The following EFCAB5 variants were observed in gnomAD, a reference collection of about 807,000 sequenced individuals.
EFCAB5 encodes the protein EF-hand calcium binding domain 5, also known as EF-hand calcium-binding domain-containing protein 5.
In EFCAB5, 131 loss-of-function variants were observed where a neutral mutation model predicts 167.9. That is an observed-to-expected ratio of 0.78 (90% CI 0.68 to 0.90). The LOEUF is 0.90. Among genes scored for constraint, EFCAB5 ranks in the 40% least tolerant of loss-of-function variants. The pLI is 0.00. For missense variants in EFCAB5, 1,663 were observed against 1,745.2 expected (o/e 0.95, Z 0.84); for synonymous variants, 574 against 602.8 (o/e 0.95, Z 0.70).
intron 8 of EFCAB5, among the ~76,000 whole-genome samples, chr17:30,043,068 C>A (rs1429365787): frequency 1.3e-5 from 2 of 151,958 alleles, no homozygotes; most frequent in Non-Finnish European, 2.9e-5. Flanking sequence ...GTGCTTGAGC[C>A]CAGGAGTTCG....
chr17:30,101,584 G>C (rs1021639223), intron 22 of EFCAB5, among the ~76,000 whole-genome samples: 33 of 152,192 alleles, frequency 2.2e-4, no homozygotes, highest in African/African-American at 8.0e-4. Context: ...TGGAGTTTTC[G>C]AGAAAGGTCT....
intron 14 of EFCAB5, chr17:30,069,649 G>C (rs1203040529): frequency 1.3e-6 from 2 of 1,587,238 alleles, no homozygotes; most frequent in Non-Finnish European, 8.6e-7. Flanking sequence ...GGCCACGGGG[G>C]CCCAGCACGA....
At chr17:29,991,838 C>T (rs2068426910) in intron 4 of EFCAB5, among the ~76,000 whole-genome samples, 1 of 152,182 alleles carries the variant, frequency 6.6e-6, no homozygotes, top group Non-Finnish European at 1.5e-5. Context: ...TGCATTCAAC[C>T]TTGCCTTTTC....
intron 3 of EFCAB5, among the ~76,000 whole-genome samples, chr17:29,946,162 T>C (rs1156244917): frequency 6.6e-6 from 1 of 151,982 alleles, no homozygotes; most frequent in African/African-American, 2.4e-5. Context: ...CATCAAAAAG[T>C]GGGCAAATGA....
At chr17:30,000,021 G>A in intron 7 of EFCAB5, 45 bp downstream of exon 7, 1 of 1,422,744 alleles carries the variant, frequency 7.0e-7, no homozygotes, top group Non-Finnish European at 9.6e-7. Flanking sequence ...TATTTTGTCA[G>A]TTTCAATTGT....
chr17:30,106,484 T>C (rs916805341), intron 22 of EFCAB5, among the ~76,000 whole-genome samples: 5 of 151,584 alleles, frequency 3.3e-5, no homozygotes, highest in African/African-American at 1.2e-4. Flanking sequence ...TGAAATGGAG[T>C]CTCACTCTGC....
intron 14 of EFCAB5, among the ~76,000 whole-genome samples, chr17:30,071,883 T>G (rs2070745334): frequency 6.6e-6 from 1 of 152,154 alleles, no homozygotes; most frequent in Non-Finnish European, 1.5e-5. Flanking sequence ...TTAAATGAAA[T>G]AAGCCAGGCA....
chr17:29,978,082 GT>G (rs2068097982), intron 4 of EFCAB5, among the ~76,000 whole-genome samples: 1 of 152,150 alleles, frequency 6.6e-6, no homozygotes, highest in Admixed American at 6.5e-5. Context: ...GTCTTCCTGA[GT>G]TGCCAGGAGA....
At chr17:29,959,005 G>GTC (rs915242983) in intron 3 of EFCAB5, among the ~76,000 whole-genome samples, 1 of 152,068 alleles carries the variant, frequency 6.6e-6, no homozygotes, top group African/African-American at 2.4e-5. Flanking sequence ...AATGGAGTCT[G>GTC]TCTCTCTCTC....
chr17:30,009,986 G>A lies in EFCAB5; in HGVS notation c.1044+10010G>A, dbSNP rs575645107. On this transcript the variant is annotated intron_variant, in intron 7 of 22. Coordinates refer to ENST00000394835, the MANE Select transcript of EFCAB5 (RefSeq NM_198529.4). Reference sequence around the variant, plus strand: ...ATCCCCCGACCCCATGACAGGCCCCGGTGTGTAATGTGTCCTATGTCCAAG... The same window carrying A: ...ATCCCCCGACCCCATGACAGGCCCCAGTGTGTAATGTGTCCTATGTCCAAG... Among the ~76,000 whole-genome samples, 12 of 152,020 alleles carry A rather than the reference G, an allele frequency of 7.9e-5. No homozygotes were observed. The South Asian group carries it at 1.5e-3, about 18-fold the overall frequency.
chr17:29,955,473 C>G (rs1318582396), intron 3 of EFCAB5, among the ~76,000 whole-genome samples: 1 of 152,154 alleles, frequency 6.6e-6, no homozygotes, highest in Non-Finnish European at 1.5e-5. Flanking sequence ...GACTTTGCTC[C>G]TTCTTTGCTT....
chr17:29,993,372 G>A (rs1405471282), intron 5 of EFCAB5, 51 bp downstream of exon 5: 5 of 1,565,294 alleles, frequency 3.2e-6, no homozygotes, highest in East Asian at 2.3e-5. Flanking sequence ...AGTGGTAAAA[G>A]GGCAATTGCT....
intron 7 of EFCAB5, among the ~76,000 whole-genome samples, chr17:30,022,204 T>C (rs2069196437): frequency 6.6e-6 from 1 of 152,180 alleles, no homozygotes; most frequent in Admixed American, 6.6e-5. Context: ...TGTTTACTTC[T>C]GGTCTCTTAG....
At chr17:30,061,245 C>G (rs893072589) in intron 14 of EFCAB5, among the ~76,000 whole-genome samples, 4 of 152,144 alleles carry the variant, frequency 2.6e-5, no homozygotes, top group African/African-American at 9.7e-5. Context: ...TCTCAATAAA[C>G]ACATATTGGT....
At chr17:29,931,340 C>A (rs1482557874) in intron 1 of EFCAB5, among the ~76,000 whole-genome samples, 1 of 152,180 alleles carries the variant, frequency 6.6e-6, no homozygotes, top group Non-Finnish European at 1.5e-5. Flanking sequence ...ACAGGGCTGT[C>A]ATGAGCTCTT....
Position 29,971,445 on chromosome 17 carries a change from G to T in EFCAB5, c.767+2078G>T, listed in dbSNP as rs184968949. On this transcript the variant is annotated intron_variant, in intron 4 of 22. Transcript: ENST00000394835. The stretch of plus-strand genomic sequence containing the variant: ...TCCTTGTCTTTTTACAACTTTAGTA[G>T]AAATGCTGCTTCTGTTACTGCTTCA... Among the ~76,000 whole-genome samples, 400 of 152,228 alleles carry T rather than the reference G, an allele frequency of 2.6e-3. 2 individuals carry two copies. The highest frequency in any genetic ancestry group is 0.017 in the Middle Eastern group (5 of 294).
At chr17:30,018,200 T>A (rs2069093172) in intron 7 of EFCAB5, among the ~76,000 whole-genome samples, 1 of 152,110 alleles carries the variant, frequency 6.6e-6, no homozygotes. Context: ...AGTGTTTTTT[T>A]TTTTCTTCAT....
chr17:29,944,755 C>A (rs1197956373), intron 3 of EFCAB5, among the ~76,000 whole-genome samples: 1 of 151,850 alleles, frequency 6.6e-6, no homozygotes, highest in Non-Finnish European at 1.5e-5. Flanking sequence ...TCCCGAGTAG[C>A]TGGGATTACA....
In EFCAB5 at chr17:30,078,480, T is replaced by C; in HGVS notation, c.3003T>C (p.Ser1001=). ...TSGVSLEPVY[S]ETFKALMQDA... The stretch of plus-strand genomic sequence containing the variant: ...GGGTGTCCCTAGAGCCGGTGTATAG[T>C]GAGACCTTTAAGGCCCTCATGCAGG... Residue 1001 remains serine, a synonymous_variant, in exon 15 of 23, where the codon AGT becomes AGC. Coordinates refer to ENST00000394835, the MANE Select transcript of EFCAB5 (RefSeq NM_198529.4). 6.2e-7 allele frequency: 1 copy of C among 1,607,532 alleles called. No homozygotes were observed. The highest frequency in any genetic ancestry group is 8.5e-7 in the Non-Finnish European group (1 of 1,175,816).
Sources: gnomAD v4.1 joint callset for allele counts (sites outside exome capture counted in the v4.1 genomes callset) on GRCh38, gnomAD v4.1.1 for gene constraint, MANE v1.5 for transcripts, NCBI Gene and HGNC (gene_info 2026-07-23, HGNC 2026-07-21) for gene names.